RBFOX1: variants seen among roughly 807,000 people sequenced by gnomAD.
RBFOX1 encodes the protein RNA binding fox-1 homolog 1.
A neutral mutation model predicts 57.7 loss-of-function variants in RBFOX1; 8 were observed. The observed-to-expected ratio is 0.14, with a 90% confidence interval of 0.08 to 0.25. The LOEUF (loss-of-function observed/expected upper bound fraction) is 0.25. Among genes scored for constraint, RBFOX1 ranks in the 10% least tolerant of loss-of-function variants. The pLI is 1.00. For synonymous variants in RBFOX1, 326 were observed against 222.4 expected (o/e 1.47, Z -4.15); for missense variants, 611 against 548.5 (o/e 1.11, Z -1.14).
At chr16:5,609,711 T>C (rs2047706803) in intron 3 of RBFOX1, among the ~76,000 whole-genome samples, 1 of 152,190 alleles carries the variant, frequency 6.6e-6, no homozygotes, top group African/African-American at 2.4e-5. Context: ...CCTCATGCCT[T>C]GTGTCCTTTA....
chr16:5,418,421 G>A lies in RBFOX1; in HGVS notation c.220-48795G>A, dbSNP rs560456070. On this transcript the variant is annotated intron_variant, in intron 1 of 2. Coordinates refer to the RBFOX1 transcript ENST00000585867. The stretch of plus-strand genomic sequence containing the variant: ...TGTTGTGTGAGGCATCAGGTCCGAC[G>A]TGATCAAGTGCAAATGTAATGACTG... Among the ~76,000 whole-genome samples the A allele has an allele frequency of 7.9e-5, 12 of 152,212 alleles. No individual in the cohort carries two copies. The East Asian group carries it at 2.3e-3, about 29-fold the overall frequency.
intron 1 of RBFOX1, among the ~76,000 whole-genome samples, chr16:6,270,473 AAAC>A (rs1338858702): frequency 5.3e-5 from 8 of 151,858 alleles, no homozygotes; most frequent in African/African-American, 1.7e-4. Context: ...AAAAAAAAAA[AAAC>A]AACTAGAAAT....
chr16:6,563,408 C>A (rs1345715010), intron 2 of RBFOX1, among the ~76,000 whole-genome samples: 4 of 152,184 alleles, frequency 2.6e-5, no homozygotes, highest in Admixed American at 2.6e-4. Context: ...AGATGAGAAA[C>A]TGGGATCCCC....
In RBFOX1 at chr16:6,892,775, CCTCTCTCTCTCTCTCTCTCTCTCT is replaced by C. The variant is rs750285832; in HGVS notation, c.-15-159253_-15-159230del. On this transcript the variant is annotated intron_variant, in intron 3 of 15. Transcript: ENST00000550418. ...CATATTCTCAAAGCCTCCCTGTCTC[CCTCTCTCTCTCTCTCTCTCTCTCT>C]CTCTCTCTCTCTCTCTCTCTCTCTC... is the stretch of plus-strand genomic sequence containing the variant. Among the ~76,000 whole-genome samples the C allele has an allele frequency of 2.6e-3, 220 of 84,720 alleles. 3 individuals are homozygous for C. The highest frequency in any genetic ancestry group is 6.0e-3 in the Admixed American group (55 of 9,152). 55.6% of individuals were successfully genotyped at this position (84,720 alleles called of 152,430 possible).
chr16:6,581,917 T>C (rs948520313), intron 2 of RBFOX1, among the ~76,000 whole-genome samples: 3 of 152,240 alleles, frequency 2.0e-5, no homozygotes, highest in South Asian at 2.1e-4. Flanking sequence ...TAGGCATTCA[T>C]ATAAACCAAT....
At chr16:6,511,966 A>T (rs2096264015) in intron 2 of RBFOX1, among the ~76,000 whole-genome samples, 1 of 152,048 alleles carries the variant, frequency 6.6e-6, no homozygotes, top group Admixed American at 6.6e-5. Context: ...CCTGAGACTT[A>T]CCCCTACAGG....
intron 3 of RBFOX1, among the ~76,000 whole-genome samples, chr16:5,607,888 G>A (rs1422154090): frequency 1.3e-5 from 2 of 152,184 alleles, no homozygotes; most frequent in Non-Finnish European, 2.9e-5. Context: ...TGGCTGGACA[G>A]GATTTCATTG....
intron 2 of RBFOX1, among the ~76,000 whole-genome samples, chr16:6,536,150 A>C (rs900838889): frequency 2.6e-5 from 4 of 152,164 alleles, no homozygotes; most frequent in African/African-American, 9.7e-5. Flanking sequence ...TCATCACAAG[A>C]CCACAATCAT....
intron 2 of RBFOX1, among the ~76,000 whole-genome samples, chr16:6,489,402 TTAAGA>T (rs1488557746): frequency 6.6e-6 from 1 of 152,184 alleles, no homozygotes; most frequent in African/African-American, 2.4e-5. Context: ...CATTGAATCT[TTAAGA>T]TAAGCCTAGG....
At chr16:5,591,060 C>T (rs1263037587) in intron 2 of RBFOX1, among the ~76,000 whole-genome samples, 1 of 151,756 alleles carries the variant, frequency 6.6e-6, no homozygotes, top group African/African-American at 2.4e-5. Context: ...GAAGCCTTAC[C>T]CAAAGGGTTC....
At chr16:6,775,298 C>G (rs996857638) in intron 3 of RBFOX1, among the ~76,000 whole-genome samples, 3 of 143,504 alleles carry the variant, frequency 2.1e-5, no homozygotes, top group African/African-American at 7.8e-5. Context: ...CCACCGCACT[C>G]CAGCCTGGGC....
chr16:5,609,659 C>T (rs1055988718), intron 3 of RBFOX1, among the ~76,000 whole-genome samples: 11 of 152,196 alleles, frequency 7.2e-5, no homozygotes, highest in African/African-American at 2.4e-4. Context: ...CAAGGCAGCC[C>T]CCAGTGTCCT....
intron 2 of RBFOX1, among the ~76,000 whole-genome samples, chr16:6,584,666 G>A (rs1199002668): frequency 6.6e-6 from 1 of 151,954 alleles, no homozygotes; most frequent in East Asian, 1.9e-4. Context: ...ACCATGCCCG[G>A]CCTGTGTTTT....
intron 3 of RBFOX1, among the ~76,000 whole-genome samples, chr16:5,692,347 A>C (rs1299223004): frequency 6.6e-6 from 1 of 152,086 alleles, no homozygotes; most frequent in African/African-American, 2.4e-5. Flanking sequence ...AGGAGATGAG[A>C]GTGGTCTCTG....
At chr16:7,564,220 TCC>T (rs1485209708) in intron 5 of RBFOX1, among the ~76,000 whole-genome samples, 8 of 151,934 alleles carry the variant, frequency 5.3e-5, no homozygotes, top group Non-Finnish European at 1.2e-4. Context: ...AGAGCTTCCC[TCC>T]CTCTTCCATC....
At chr16:7,505,915 G>T (rs2073111539) in intron 4 of RBFOX1, among the ~76,000 whole-genome samples, 1 of 152,276 alleles carries the variant, frequency 6.6e-6, no homozygotes, top group African/African-American at 2.4e-5. Flanking sequence ...GCCAGGTGCA[G>T]TGGCTCATGC....
At chr16:6,930,092 G>C (rs1390392864) in intron 3 of RBFOX1, among the ~76,000 whole-genome samples, 1 of 152,158 alleles carries the variant, frequency 6.6e-6, no homozygotes, top group South Asian at 2.1e-4. Flanking sequence ...GGTTTACTCG[G>C]CCTGCTCTTG....
At chr16:6,964,136 G>C (rs1259663181) in intron 3 of RBFOX1, among the ~76,000 whole-genome samples, 3 of 152,102 alleles carry the variant, frequency 2.0e-5, no homozygotes, top group African/African-American at 4.8e-5. Flanking sequence ...TCCTGCCTCA[G>C]CCTCCCAAGT....
rs11864181 is a variant in RBFOX1 at position 5,411,321 on chromosome 16, A to G, written c.220-55895A>G. 9.0e-3 allele frequency among the ~76,000 whole-genome samples: 1,376 copies of G among 152,296 alleles called. 27 individuals carry two copies. Among genetic ancestry groups the G allele is most frequent in the African/African-American group, 0.032 (1,313 of 41,544 alleles). ...GTGCAGTGAAATCACGAGTCACAGT[A>G]AGAGAGAAGTAGCAGAGTCAGAGTC... On this transcript the variant is annotated intron_variant, in intron 1 of 2. Transcript: ENST00000585867.
Sources: allele counts gnomAD v4.1 joint callset (sites outside exome capture counted in the v4.1 genomes callset), GRCh38; gene constraint gnomAD v4.1.1; transcripts MANE v1.5; gene names NCBI Gene and HGNC (gene_info 2026-07-23, HGNC 2026-07-21).